The following PAK5 variants were observed in gnomAD, a reference collection of about 807,000 sequenced individuals.
The protein encoded by PAK5 is p21 (RAC1) activated kinase 5.
PAK5 carries 16 observed loss-of-function variants against 65.9 expected under a neutral mutation model. The observed-to-expected ratio is 0.24, with a 90% CI of 0.16 to 0.37. PAK5 has a LOEUF of 0.37. Among genes scored for constraint, PAK5 ranks in the 10% least tolerant of loss-of-function variants. The probability of loss-of-function intolerance (pLI) is 1.00; values close to 1 mark genes in which losing one functional copy is unlikely to be tolerated. For missense variants in PAK5, 785 were observed against 903.9 expected, an observed-to-expected ratio of 0.87 and a Z score of 1.69; for synonymous variants, 371 against 354.9, an observed-to-expected ratio of 1.05 and a Z score of -0.51.
chr20:9,590,709 C>A (rs907705320), intron 3 of PAK5, among the ~76,000 whole-genome samples: 43 of 152,184 alleles, frequency 2.8e-4, no homozygotes, highest in African/African-American at 1.0e-3. Flanking sequence ...GGCATCACTT[C>A]GTTTACTGTC....
intron 1 of PAK5, among the ~76,000 whole-genome samples, chr20:9,837,260 G>T (rs952107411): frequency 1.3e-5 from 2 of 152,150 alleles, no homozygotes; most frequent in African/African-American, 2.4e-5. Context: ...GGTATTATCA[G>T]ATTGGACATT....
intron 3 of PAK5, among the ~76,000 whole-genome samples, chr20:9,637,754 GC>G (rs1227470087): frequency 6.6e-6 from 1 of 151,984 alleles, no homozygotes; most frequent in Non-Finnish European, 1.5e-5. Flanking sequence ...ACTCACATAT[GC>G]CGAATAAAAC....
intron 2 of PAK5, among the ~76,000 whole-genome samples, chr20:9,683,790 C>T (rs966610866): frequency 1.3e-5 from 2 of 152,144 alleles, no homozygotes; most frequent in Non-Finnish European, 1.5e-5. Context: ...GTGATCATAG[C>T]TCACTGCAGC....
intron 4 of PAK5, among the ~76,000 whole-genome samples, chr20:9,578,683 C>A (rs2045928608): frequency 6.6e-6 from 1 of 152,142 alleles, no homozygotes; most frequent in African/African-American, 2.4e-5. Context: ...CAGAAATGCA[C>A]AAGTGATATG....
At chr20:9,683,059 T>C (rs187439126) in intron 2 of PAK5, among the ~76,000 whole-genome samples, 250 of 152,340 alleles carry the variant, frequency 1.6e-3, no homozygotes, top group African/African-American at 5.9e-3. Flanking sequence ...TACTCTTCCC[T>C]TTAGGGACCG....
At chr20:9,648,199 T>C (rs2047158316) in intron 2 of PAK5, among the ~76,000 whole-genome samples, 1 of 152,146 alleles carries the variant, frequency 6.6e-6, no homozygotes, top group South Asian at 2.1e-4. Context: ...CATGAGAGGA[T>C]ACAAAACAAA....
intron 1 of PAK5, among the ~76,000 whole-genome samples, chr20:9,810,849 A>C (rs1411784164): frequency 1.3e-5 from 2 of 152,202 alleles, no homozygotes; most frequent in East Asian, 3.8e-4. Flanking sequence ...ACACACATAC[A>C]CATAGACACA....
In PAK5 at chr20:9,738,407, A is replaced by G. The variant is rs189361476; in HGVS notation, c.-161-26972T>C. ...TATTTGTAATAGCCAAAAAGTGGAA[A>G]CCACACAAATGTCCATCAACAGGTG... On this transcript the variant is annotated intron_variant, in intron 1 of 9. Coordinates refer to ENST00000353224, the MANE Select transcript of PAK5 (RefSeq NM_177990.4). Among the ~76,000 whole-genome samples, 681 of 152,318 alleles carry G rather than the reference A, an allele frequency of 4.5e-3. 5 individuals carry two copies. The highest frequency in any genetic ancestry group is 0.013 in the African/African-American group (555 of 41,568).
At chr20:9,779,990 A>C (rs1327836790) in intron 1 of PAK5, among the ~76,000 whole-genome samples, 3 of 152,258 alleles carry the variant, frequency 2.0e-5, no homozygotes, top group South Asian at 2.1e-4. Flanking sequence ...ACCATATTTA[A>C]GCTAGGCTCC....
intron 3 of PAK5, among the ~76,000 whole-genome samples, chr20:9,635,208 C>T (rs1332721430): frequency 6.6e-6 from 1 of 152,132 alleles, no homozygotes; most frequent in Non-Finnish European, 1.5e-5. Context: ...CTTCCTGCAT[C>T]CCAACTGTTC....
At position 9,766,534 on chromosome 20, in the gene PAK5, T is replaced by C. The variant is rs1172854013; in HGVS notation, c.-161-55099A>G. Among the ~76,000 whole-genome samples, 5 of 137,828 alleles carry C rather than the reference T, an allele frequency of 3.6e-5. 1 individual carries two copies. Among genetic ancestry groups the C allele is most frequent in the East Asian group, 2.1e-4 (1 of 4,776 alleles). The allele number at this position is 137,828 out of a possible 152,430, so 90.4% of individuals were successfully genotyped here. Reference sequence around the variant, plus strand: ...TATATTCAAGCAGAATATATATATATATATATATATATATATTTTCAAGCA... The same window carrying C: ...TATATTCAAGCAGAATATATATATACATATATATATATATATTTTCAAGCA... On this transcript the variant is annotated intron_variant, in intron 1 of 9. Transcript: ENST00000353224.
In PAK5 at chr20:9,580,925, G is replaced by A. The variant is rs1215112829; in HGVS notation, c.210C>T (p.Ile70=). The A allele has an allele frequency of 3.2e-6, 5 of 1,576,460 alleles. No individual in the cohort carries two copies. The highest frequency in any genetic ancestry group is 2.2e-5 in the East Asian group (1 of 44,524). The change falls in exon 4 of 10, where the codon ATC becomes ATT. Residue 70 remains isoleucine (I), a synonymous_variant. Transcript: ENST00000353224. ...TPIQLAPMKT[I]VRGNKPCKET... is the part of the protein sequence containing the mutation. ...CCTTGCAGGGTTTGTTTCCTCTAAC[G>A]ATTGTCTGGGAATAATAGAGGGAAT...
chr20:9,837,561 A>G, intron 1 of PAK5, among the ~76,000 whole-genome samples: 1 of 152,216 alleles, frequency 6.6e-6, no homozygotes, highest in South Asian at 2.1e-4. Flanking sequence ...AAGGTGGCAC[A>G]GCTGTTATTA....
chr20:9,737,038 C>A (rs950993390), intron 1 of PAK5, among the ~76,000 whole-genome samples: 3 of 151,724 alleles, frequency 2.0e-5, no homozygotes, highest in East Asian at 1.9e-4. Flanking sequence ...ATCTAGAGTT[C>A]TATGTCCAAC....
rs149744693 is a variant in PAK5 at position 9,836,933 on chromosome 20, T to G, written c.-162+1829A>C. 2.9e-3 allele frequency among the ~76,000 whole-genome samples: 447 copies of G among 152,274 alleles called. 1 individual carries two copies. The highest frequency in any genetic ancestry group is 8.3e-3 in the African/African-American group (344 of 41,554). On this transcript the variant is annotated intron_variant, in intron 1 of 9. Transcript: ENST00000353224. ...TTTCCCAGAATCACAAAGCTAAACA[T>G]AGAAGAGTCAGAGTTCAAACACCTG...
chr20:9,727,776 A>G (rs2048292681), intron 1 of PAK5, among the ~76,000 whole-genome samples: 1 of 152,112 alleles, frequency 6.6e-6, no homozygotes, highest in Non-Finnish European at 1.5e-5. Flanking sequence ...TGGTTGCCCC[A>G]ATTTTTCCAG....
At chr20:9,783,138 C>T (rs1289154270) in intron 1 of PAK5, among the ~76,000 whole-genome samples, 1 of 151,880 alleles carries the variant, frequency 6.6e-6, no homozygotes, top group South Asian at 2.1e-4. Flanking sequence ...GTTTCTCCAT[C>T]TTGGTCAGGC....
intron 3 of PAK5, among the ~76,000 whole-genome samples, chr20:9,624,440 A>G (rs544421788): frequency 6.6e-6 from 1 of 152,224 alleles, no homozygotes; most frequent in Admixed American, 6.5e-5. Flanking sequence ...AGAAAAGAGT[A>G]GAATTTGTAC....
rs555248091 is a variant in PAK5 at position 9,594,163 on chromosome 20, G to T, written c.205-13233C>A. Among the ~76,000 whole-genome samples, 60 of 152,320 alleles carry T rather than the reference G, an allele frequency of 3.9e-4. No homozygotes were observed. The Middle Eastern group carries it at 0.014, about 35-fold the overall frequency. On this transcript the variant is annotated intron_variant, in intron 3 of 9. Coordinates refer to ENST00000353224, the MANE Select transcript of PAK5 (RefSeq NM_177990.4). Reference sequence around the variant, plus strand: ...GCCAAGTTTGGGAACCATATTGCTAGAACTTCTCCTCCTGCCACTCAAAGC... The same window carrying T: ...GCCAAGTTTGGGAACCATATTGCTATAACTTCTCCTCCTGCCACTCAAAGC...
Sources: gnomAD v4.1 joint callset for allele counts (sites outside exome capture counted in the v4.1 genomes callset) on GRCh38, gnomAD v4.1.1 for gene constraint, MANE v1.5 for transcripts, NCBI Gene and HGNC (gene_info 2026-07-23, HGNC 2026-07-21) for gene names.